The following TRMT9B variants were observed in gnomAD, a reference collection of about 807,000 sequenced individuals.
TRMT9B encodes tRNA methyltransferase 9B (putative).
A neutral mutation model predicts 11.5 loss-of-function variants in TRMT9B; 16 were observed. The ratio of observed to expected loss-of-function variants is 1.39; its 90% CI spans 0.94 to 2.11. The LOEUF (loss-of-function observed/expected upper bound fraction) is 2.11. Ranked by LOEUF, TRMT9B falls within the 30% of genes most tolerant of loss-of-function variation. TRMT9B has a pLI of 0.00. For missense variants in TRMT9B, 941 were observed against 553.8 expected (o/e 1.70, Z -7.02); for synonymous variants, 274 against 192.4 (o/e 1.42, Z -3.51).
intron 1 of TRMT9B, among the ~76,000 whole-genome samples, chr8:12,989,714 G>C (rs1317836440): frequency 1.3e-5 from 2 of 152,188 alleles, no homozygotes; most frequent in Non-Finnish European, 2.9e-5. Flanking sequence ...AGAATCTTTA[G>C]CTTTACCCTG....
chr8:13,011,943 A>T, intron 3 of TRMT9B: 1 of 985,384 alleles, frequency 1.0e-6, no homozygotes, highest in Non-Finnish European at 1.2e-6. Context: ...TTTGTTTTGC[A>T]GTCAGCAAGT....
intron 2 of TRMT9B, among the ~76,000 whole-genome samples, chr8:12,994,938 T>A (rs987724719): frequency 6.6e-6 from 1 of 152,194 alleles, no homozygotes; most frequent in African/African-American, 2.4e-5. Context: ...CGCCTCGGCC[T>A]CCCAAAGTGC....
intron 3 of TRMT9B, chr8:13,012,474 C>G: frequency 1.7e-6 from 1 of 589,604 alleles, no homozygotes; most frequent in South Asian, 3.1e-5. Flanking sequence ...ACTCGGGAGG[C>G]TAAGGCAAGA....
chr8:13,006,875 G>C (rs1421765060), intron 3 of TRMT9B: 1 of 174,648 alleles, frequency 5.7e-6, no homozygotes, highest in Non-Finnish European at 1.2e-5. Context: ...TGCCATGTTG[G>C]CCAGACTGGT....
At chr8:13,011,502 A>T in intron 3 of TRMT9B, 1 of 968,742 alleles carries the variant, frequency 1.0e-6, no homozygotes, top group Non-Finnish European at 1.2e-6. Flanking sequence ...ATAAGTACAA[A>T]TATAGGCTCT....
intron 3 of TRMT9B, chr8:13,011,230 C>A: frequency 5.9e-6 from 5 of 846,598 alleles, no homozygotes; most frequent in Non-Finnish European, 7.1e-6. Flanking sequence ...AAGTGATCCG[C>A]CCACCACAGC....
chr8:12,964,680 T>G (rs539511642), intron 1 of TRMT9B, among the ~76,000 whole-genome samples: 65 of 152,304 alleles, frequency 4.3e-4, no homozygotes, highest in Non-Finnish European at 8.1e-4. Flanking sequence ...GCTCAAGCGA[T>G]CTTCCCTCCT....
At chr8:13,015,686 T>G (rs1013582559) in intron 4 of TRMT9B, among the ~76,000 whole-genome samples, 1 of 152,028 alleles carries the variant, frequency 6.6e-6, no homozygotes, top group Non-Finnish European at 1.5e-5. Context: ...GCCACCTATA[T>G]CCAGACCATT....
chr8:13,013,763 C>G (rs985868254), intron 4 of TRMT9B, among the ~76,000 whole-genome samples: 5 of 151,968 alleles, frequency 3.3e-5, no homozygotes, highest in African/African-American at 1.2e-4. Context: ...CCAGCCTGGC[C>G]AACATGTGAA....
chr8:12,986,045 A>G (rs907290140), intron 1 of TRMT9B, among the ~76,000 whole-genome samples: 24 of 152,214 alleles, frequency 1.6e-4, no homozygotes, highest in African/African-American at 5.5e-4. Context: ...TAATTTTAGT[A>G]GAGACGGGGT....
intron 1 of TRMT9B, among the ~76,000 whole-genome samples, chr8:12,982,004 G>C (rs538553668): frequency 1.3e-5 from 2 of 152,280 alleles, no homozygotes; most frequent in South Asian, 4.1e-4. Context: ...TAAATTTTAT[G>C]AGGGTAAAAT....
At position 12,988,376 on chromosome 8, in the gene TRMT9B, AATG is replaced by A. The variant is rs59973721; in HGVS notation, c.-199-2455_-199-2453del. ...TAATTAATAATTTGCAATAACACAA[AATG>A]ATTATTTTATAATGATTGTATGAAT... On this transcript the variant is annotated intron_variant, in intron 1 of 4. Transcript: ENST00000524591. Among the ~76,000 whole-genome samples the A allele has an allele frequency of 5.4e-3, 822 of 152,340 alleles. 8 individuals carry two copies. The highest frequency in any genetic ancestry group is 0.019 in the African/African-American group (797 of 41,582).
At chr8:13,013,521 A>G (rs1812054816) in intron 4 of TRMT9B, among the ~76,000 whole-genome samples, 1 of 152,242 alleles carries the variant, frequency 6.6e-6, no homozygotes, top group Non-Finnish European at 1.5e-5. Context: ...TAAGGAATAC[A>G]TGACATCTGC....
intron 3 of TRMT9B, chr8:13,010,843 A>G: frequency 2.0e-6 from 2 of 981,720 alleles, no homozygotes; most frequent in Non-Finnish European, 2.4e-6. Context: ...TGTGAATTAT[A>G]TTTTCCCCAT....
At chr8:13,014,743 T>G (rs949551795) in intron 4 of TRMT9B, among the ~76,000 whole-genome samples, 6 of 152,162 alleles carry the variant, frequency 3.9e-5, no homozygotes, top group African/African-American at 1.4e-4. Context: ...GCTTGGTCAT[T>G]CCACTTAACT....
Position 12,949,387 on chromosome 8 carries a change from G to C in TRMT9B, c.-200+3421G>C, listed in dbSNP as rs184152955. ...CATTTTTTATCCTTTCCTCCTTTTTGCTGAGATGTGAAAGTGAAATTCTCT... is the reference window on the plus strand; with the variant it reads ...CATTTTTTATCCTTTCCTCCTTTTTCCTGAGATGTGAAAGTGAAATTCTCT... On this transcript the variant is annotated intron_variant, in intron 1 of 4. Transcript: ENST00000524591. Among the ~76,000 whole-genome samples the C allele has an allele frequency of 1.6e-3, 247 of 152,166 alleles. 1 individual carries two copies. The highest frequency in any genetic ancestry group is 5.6e-3 in the African/African-American group (234 of 41,508).
chr8:12,965,468 C>G (rs1802684819), intron 1 of TRMT9B, among the ~76,000 whole-genome samples: 1 of 152,178 alleles, frequency 6.6e-6, no homozygotes. Flanking sequence ...TCCCCAGCAT[C>G]CGGATCCCCG....
rs1032769416 is a variant in TRMT9B at position 13,009,101 on chromosome 8, C to T, written c.154+2745C>T. Among the ~76,000 whole-genome samples the T allele has an allele frequency of 2.0e-5, 3 of 152,176 alleles. No individual in the cohort carries two copies. The East Asian group carries it at 5.8e-4, about 29-fold the overall frequency. ...AGGACCAGCATCCTGTCATTTGCGA[C>T]AACACGGAGGAACCTGGAAGATATT... On this transcript the variant is annotated intron_variant, in intron 3 of 4. Transcript: ENST00000524591.
chr8:12,977,312 G>T (rs1003172570), intron 1 of TRMT9B, among the ~76,000 whole-genome samples: 1 of 152,190 alleles, frequency 6.6e-6, no homozygotes, highest in African/African-American at 2.4e-5. Context: ...GTGTTACTGT[G>T]CACACAGATA....
Sources: gnomAD v4.1 joint callset for allele counts (sites outside exome capture counted in the v4.1 genomes callset) on GRCh38, gnomAD v4.1.1 for gene constraint, MANE v1.5 for transcripts, NCBI Gene and HGNC (gene_info 2026-07-23, HGNC 2026-07-21) for gene names.